IQANK1: variants seen among roughly 807,000 people sequenced by gnomAD.
The protein encoded by IQANK1 is IQ motif and ankyrin repeat containing 1, also known as IQ motif and ankyrin repeat domain-containing protein 1.
In IQANK1, 30 loss-of-function variants were observed where a neutral mutation model predicts 22.6. The ratio of observed to expected loss-of-function variants is 1.33; its 90% confidence interval spans 0.99 to 1.80. IQANK1 has a LOEUF of 1.80. IQANK1 is among the 40% of genes most tolerant of loss of function. IQANK1 has a pLI of 0.00. For synonymous variants in IQANK1, 122 were observed against 99.6 expected (o/e 1.23, Z -1.34); for missense variants, 275 against 235.2 (o/e 1.17, Z -1.11).
intron 7 of IQANK1, among the ~76,000 whole-genome samples, chr8:143,772,915 C>T (rs567254318): frequency 1.3e-5 from 2 of 152,354 alleles, no homozygotes; most frequent in South Asian, 2.1e-4. Context: ...CCATCGGTCC[C>T]CTCACTGTCA....
chr8:143,790,403 T>C lies in IQANK1; in HGVS notation c.1478T>C (p.Val493Ala). 1 of 835,440 alleles carries C rather than the reference T, an allele frequency of 1.2e-6. No individual in the cohort carries two copies. The highest frequency in any genetic ancestry group is 1.6e-6 in the Non-Finnish European group (1 of 626,656). The allele number at this position is 835,440 out of a possible 1,614,324, so 51.8% of individuals were successfully genotyped here. A position where few individuals can be genotyped will look rare whatever the true frequency, so the allele number is the denominator to read the frequency against. ...DLREEDLFPVVQRQLEAVQER... is the reference protein window; with the variant it reads ...DLREEDLFPVAQRQLEAVQER... The stretch of plus-strand genomic sequence containing the variant: ...CGAGAGGAAGACCTGTTCCCAGTCG[T>C]GCAGCGGCAGCTGGAGGCGGTGCAG... Residue 493 changes from valine (V) to alanine (A), a missense_variant, in exon 14 of 14, where the codon GTG (valine) becomes GCG (alanine). Coordinates refer to ENST00000527139, the MANE Select transcript of IQANK1 (RefSeq NM_001381874.1).
At chr8:143,765,952 T>G (rs1199958266) in intron 3 of IQANK1, among the ~76,000 whole-genome samples, 1 of 152,190 alleles carries the variant, frequency 6.6e-6, no homozygotes, top group Non-Finnish European at 1.5e-5. Context: ...CATGCATTTT[T>G]GGGGGCACAC....
intron 7 of IQANK1, among the ~76,000 whole-genome samples, chr8:143,773,395 A>AGTGGG (rs1407182090): frequency 6.6e-6 from 1 of 151,786 alleles, no homozygotes; most frequent in Non-Finnish European, 1.5e-5. Context: ...CAGGCCCAGG[A>AGTGGG]GTGGGGTGGG....
intron 7 of IQANK1, among the ~76,000 whole-genome samples, chr8:143,780,925 TA>T (rs1470049348): frequency 3.9e-5 from 6 of 152,238 alleles, no homozygotes; most frequent in Admixed American, 2.0e-4. Context: ...GTGGCTGAAC[TA>T]ATTTATACTC....
At position 143,734,459 on chromosome 8, in the gene IQANK1, G is replaced by C. The variant is rs552255690; in HGVS notation, c.-5+240G>C. Among the ~76,000 whole-genome samples the C allele has an allele frequency of 1.3e-3, 189 of 143,328 alleles. 11 individuals carry two copies. In the South Asian group the frequency reaches 0.04, roughly 30 times the overall value. The allele number at this position is 143,328 out of a possible 152,430, so 94.0% of individuals were successfully genotyped here. On this transcript the variant is annotated intron_variant, in intron 1 of 13. Transcript: ENST00000527139. ...CCCCCTCACACCGATGCCCACACTT[G>C]TAGGGGACTCTGCCGCAGTGACCCC...
chr8:143,748,917 A>G (rs1554627654), intron 3 of IQANK1, among the ~76,000 whole-genome samples: 3 of 110,310 alleles, frequency 2.7e-5, no homozygotes, highest in African/African-American at 3.6e-5. Context: ...ATATATATCT[A>G]TATATAAATA....
chr8:143,789,449 A>C lies in IQANK1; in HGVS notation c.1007A>C (p.Tyr336Ser), dbSNP rs1304736528. The C allele has an allele frequency of 8.1e-7, 1 of 1,231,536 alleles. No individual in the cohort carries two copies. The highest frequency in any genetic ancestry group is 1.0e-6 in the Non-Finnish European group (1 of 987,664). The allele number at this position is 1,231,536 out of a possible 1,614,324, so 76.3% of individuals were successfully genotyped here. A position where few individuals can be genotyped will look rare whatever the true frequency, so the allele number is the denominator to read the frequency against. ...ACGCCCACCCAGCTGCAACAGGCCT[A>C]CTGTGAGCTTAGCCGGAGGATCTCA... ...QQCHKELQQA[Y>S]CELSRRISEH... is the part of the protein sequence containing the mutation. Residue 336 changes from tyrosine (Y) to serine (S), a missense_variant, in exon 10 of 14, where the codon TAC (tyrosine) becomes TCC (serine). By Grantham distance (144) the Tyr-to-Ser change is moderately radical (BLOSUM62 -2). Transcript: ENST00000527139.
At chr8:143,759,738 G>A (rs1159799751) in intron 3 of IQANK1, 2 of 152,322 alleles carry the variant, frequency 1.3e-5, no homozygotes, top group Admixed American at 6.5e-5. Flanking sequence ...GCCCTGCATC[G>A]TTCACATCTT....
At chr8:143,773,324 A>C (rs1819621055) in intron 7 of IQANK1, among the ~76,000 whole-genome samples, 2 of 138,960 alleles carry the variant, frequency 1.4e-5, no homozygotes, top group Non-Finnish European at 3.0e-5. Context: ...AAACAAAAAA[A>C]ACACAAAAAA....
intron 3 of IQANK1, among the ~76,000 whole-genome samples, chr8:143,753,311 G>A (rs2129846518): frequency 6.6e-6 from 1 of 152,110 alleles, no homozygotes; most frequent in Non-Finnish European, 1.5e-5. Context: ...ACCGCACCTG[G>A]CCTTTTTGTT....
intron 7 of IQANK1, among the ~76,000 whole-genome samples, chr8:143,776,105 G>A (rs61703437): frequency 0.025 from 3,674 of 148,114 alleles, 192 homozygotes; most frequent in African/African-American, 0.087. Context: ...GCAGATTACG[G>A]GGTCAGGAGA....
intron 10 of IQANK1, 47 bp downstream of exon 10, chr8:143,789,575 C>T (rs920565118): frequency 1.6e-6 from 2 of 1,231,792 alleles, no homozygotes; most frequent in Non-Finnish European, 2.0e-6. Flanking sequence ...CCTCAACACC[C>T]CTCCTTGTTC....
intron 7 of IQANK1, among the ~76,000 whole-genome samples, chr8:143,778,755 ATTAAC>A (rs1819738532): frequency 6.6e-6 from 1 of 152,092 alleles, no homozygotes; most frequent in Non-Finnish European, 1.5e-5. Flanking sequence ...TAATTATCTT[ATTAAC>A]TTGAGTCATT....
intron 3 of IQANK1, among the ~76,000 whole-genome samples, chr8:143,752,688 G>A (rs2129843601): frequency 6.6e-6 from 1 of 152,236 alleles, no homozygotes; most frequent in Non-Finnish European, 1.5e-5. Flanking sequence ...TTACCATTGT[G>A]TTATAATTGC....
chr8:143,737,608 C>G (rs538617487), intron 2 of IQANK1, among the ~76,000 whole-genome samples: 3 of 152,308 alleles, frequency 2.0e-5, no homozygotes, highest in Middle Eastern at 6.8e-3. Context: ...ACCAACACAA[C>G]AGTCCGGGAC....
chr8:143,778,155 A>G (rs1201420172), intron 7 of IQANK1, among the ~76,000 whole-genome samples: 1 of 151,786 alleles, frequency 6.6e-6, no homozygotes, highest in Non-Finnish European at 1.5e-5. Context: ...AGATCGCACC[A>G]CTGCACTCCA....
Position 143,790,240 on chromosome 8 carries a change from AC to A in IQANK1, c.1394del (p.Thr465ArgfsTer?), listed in dbSNP as rs2129968645. The A allele has an allele frequency of 1.1e-5, 14 of 1,232,152 alleles. No individual in the cohort carries two copies. The South Asian group carries it at 4.9e-4, about 43-fold the overall frequency. The allele number at this position is 1,232,152 out of a possible 1,614,324, so 76.3% of individuals were successfully genotyped here. On this transcript the variant is annotated frameshift_variant, in exon 13 of 14. Transcript: ENST00000527139. LOFTEE classifies it low-confidence loss of function (END_TRUNC). Reference sequence around the variant, plus strand: ...GAACCCGGAGCCCCTGAGGCCGGAGACGATGTGGCTGGCTCTGCTGGGGGCT... The same window carrying A: ...GAACCCGGAGCCCCTGAGGCCGGAGAGATGTGGCTGGCTCTGCTGGGGGCT... ...TVNPEPLRPE[T>X]MWLALLGALR...
Position 143,745,464 on chromosome 8 carries a change from C to T in IQANK1, c.175+5516C>T, listed in dbSNP as rs139926597. On this transcript the variant is annotated intron_variant, in intron 3 of 13. Transcript: ENST00000527139. ...TTGAGATGGAGTCTCGCTCTGTCGCCCAGGCTGGAGTGCAGTGGAGCGATC... is the reference window on the plus strand; with the variant it reads ...TTGAGATGGAGTCTCGCTCTGTCGCTCAGGCTGGAGTGCAGTGGAGCGATC... The T allele has an allele frequency of 6.0e-3, 914 of 152,444 alleles. 4 individuals carry two copies. The highest frequency in any genetic ancestry group is 9.2e-3 in the Non-Finnish European group (624 of 68,166). 9.4% of individuals were successfully genotyped at this position (152,444 alleles called of 1,614,324 possible).
At chr8:143,769,399 G>A (rs1418602531) in intron 3 of IQANK1, among the ~76,000 whole-genome samples, 1 of 151,904 alleles carries the variant, frequency 6.6e-6, no homozygotes, top group Non-Finnish European at 1.5e-5. Flanking sequence ...GTCTCACCAC[G>A]TTGTCCAGGC....
Sources: gnomAD v4.1 joint callset for allele counts (sites outside exome capture counted in the v4.1 genomes callset) on GRCh38, gnomAD v4.1.1 for gene constraint, MANE v1.5 for transcripts, NCBI Gene and HGNC (gene_info 2026-07-23, HGNC 2026-07-21) for gene names.